The following CALN1 variants were observed in gnomAD, a reference collection of about 807,000 sequenced individuals.
CALN1 encodes calcium-binding protein 8.
CALN1 carries 17 observed loss-of-function variants against 30.6 expected under a neutral mutation model. The ratio of observed to expected loss-of-function variants is 0.56; its 90% CI spans 0.38 to 0.83. The LOEUF is 0.83. CALN1 is among the 40% of genes least tolerant of loss of function. CALN1 has a pLI of 0.00. For missense variants in CALN1, 291 were observed against 354.9 expected (o/e 0.82, Z 1.45); for synonymous variants, 156 against 131.4 (o/e 1.19, Z -1.28).
At chr7:72,049,455 G>A (rs756033808) in intron 4 of CALN1, among the ~76,000 whole-genome samples, 7 of 152,132 alleles carry the variant, frequency 4.6e-5, no homozygotes, top group African/African-American at 9.7e-5. Flanking sequence ...TCACTGTGAT[G>A]AACTATAGGG....
intron 3 of CALN1, among the ~76,000 whole-genome samples, chr7:72,239,115 G>A (rs1366603665): frequency 1.3e-5 from 2 of 152,152 alleles, no homozygotes; most frequent in Admixed American, 1.3e-4. Context: ...ATTCTGTGAT[G>A]GCTGGGAAAA....
rs145283170 is a variant in CALN1 at position 72,357,007 on chromosome 7, C to G, written c.119+46244G>C. The stretch of plus-strand genomic sequence containing the variant: ...AATTCAGGGCAAGAAGTGGAGACTT[C>G]CAGGAAACATGACGGTGTTAACTGG... On this transcript the variant is annotated intron_variant, in intron 2 of 6. Coordinates refer to ENST00000395275, the MANE Select transcript of CALN1 (RefSeq NM_031468.4). Among the ~76,000 whole-genome samples, 80 of 151,968 alleles carry G rather than the reference C, an allele frequency of 5.3e-4. 1 individual carries two copies. Among genetic ancestry groups the G allele is most frequent in the Admixed American group, 1.4e-3 (22 of 15,262 alleles).
chr7:72,026,482 A>T (rs1801063821), intron 4 of CALN1, among the ~76,000 whole-genome samples: 1 of 151,992 alleles, frequency 6.6e-6, no homozygotes, highest in South Asian at 2.1e-4. Context: ...GCGATTCGGG[A>T]GGCTGAGGCA....
At chr7:72,350,669 A>G (rs1802874425) in intron 2 of CALN1, among the ~76,000 whole-genome samples, 1 of 152,192 alleles carries the variant, frequency 6.6e-6, no homozygotes, top group African/African-American at 2.4e-5. Context: ...AAAACTACCT[A>G]CCAGATACTA....
intron 2 of CALN1, among the ~76,000 whole-genome samples, chr7:72,371,057 A>AC (rs1391717308): frequency 6.6e-6 from 1 of 151,822 alleles, no homozygotes; most frequent in Non-Finnish European, 1.5e-5. Context: ...CAAAAAAAAA[A>AC]AAAAAAAAAG....
intron 5 of CALN1, among the ~76,000 whole-genome samples, chr7:72,011,082 G>A (rs1800050511): frequency 1.3e-5 from 2 of 151,730 alleles, no homozygotes; most frequent in Admixed American, 1.3e-4. Flanking sequence ...GAACCCGGGA[G>A]GCAGAGGTTG....
intron 2 of CALN1, among the ~76,000 whole-genome samples, chr7:72,369,873 T>C (rs1334894046): frequency 6.6e-6 from 1 of 152,250 alleles, no homozygotes; most frequent in Non-Finnish European, 1.5e-5. Context: ...AACCTATTGA[T>C]GGACATTTAA....
intron 5 of CALN1, among the ~76,000 whole-genome samples, chr7:71,973,460 G>A (rs12666489): frequency 0.063 from 9,631 of 152,184 alleles, 680 homozygotes; most frequent in East Asian, 0.33. Flanking sequence ...AGAGGCGTGA[G>A]CCACCTTGCC....
chr7:72,336,318 C>T (rs975364124), intron 2 of CALN1, among the ~76,000 whole-genome samples: 8 of 152,166 alleles, frequency 5.3e-5, no homozygotes, highest in African/African-American at 7.2e-5. Context: ...CCCCATCGCC[C>T]GGGCGCCTGC....
chr7:71,956,015 T>A lies in CALN1; in HGVS notation c.501+67642A>T, dbSNP rs570239128. On this transcript the variant is annotated intron_variant, in intron 5 of 6. Coordinates refer to ENST00000395275, the MANE Select transcript of CALN1 (RefSeq NM_031468.4). Reference sequence around the variant, plus strand: ...ATTTTTTTTTTTTTTTGAGATGGAGTCTCACTCTGTCACCCAGGCTGGAGA... The same window carrying A: ...ATTTTTTTTTTTTTTTGAGATGGAGACTCACTCTGTCACCCAGGCTGGAGA... Among the ~76,000 whole-genome samples the A allele has an allele frequency of 2.0e-5, 3 of 148,044 alleles. No homozygotes were observed. The South Asian group carries it at 6.5e-4, about 32-fold the overall frequency.
intron 5 of CALN1, among the ~76,000 whole-genome samples, chr7:71,851,942 T>G (rs576257306): frequency 1.3e-5 from 2 of 152,166 alleles, no homozygotes; most frequent in East Asian, 3.9e-4. Context: ...TGCCCAAGCC[T>G]GGTGCCTGGA....
intron 1 of CALN1, among the ~76,000 whole-genome samples, chr7:72,431,067 T>A (rs1323576464): frequency 6.6e-6 from 1 of 150,508 alleles, no homozygotes; most frequent in Non-Finnish European, 1.5e-5. Flanking sequence ...GTAGCTGGGA[T>A]TACAGGCCTG....
At chr7:72,210,521 A>G (rs1792316041) in intron 3 of CALN1, among the ~76,000 whole-genome samples, 1 of 152,046 alleles carries the variant, frequency 6.6e-6, no homozygotes, top group Non-Finnish European at 1.5e-5. Flanking sequence ...ACGGTTCAGC[A>G]TGGCTGGGGA....
intron 5 of CALN1, among the ~76,000 whole-genome samples, chr7:71,854,830 A>G (rs1239799851): frequency 6.6e-6 from 1 of 152,254 alleles, no homozygotes; most frequent in Non-Finnish European, 1.5e-5. Flanking sequence ...GAAAAACTAT[A>G]TAATGTGAAG....
chr7:72,389,328 TTC>T (rs1401059216), intron 2 of CALN1, among the ~76,000 whole-genome samples: 10 of 152,332 alleles, frequency 6.6e-5, no homozygotes, highest in Non-Finnish European at 1.0e-4. Flanking sequence ...TTTCCTTTAC[TTC>T]TGTTTCATAG....
At chr7:71,990,776 G>A (rs1012562115) in intron 5 of CALN1, among the ~76,000 whole-genome samples, 3 of 152,000 alleles carry the variant, frequency 2.0e-5, no homozygotes, top group Non-Finnish European at 2.9e-5. Context: ...TCTTAATAAC[G>A]TTATTTTACT....
intron 1 of CALN1, among the ~76,000 whole-genome samples, chr7:72,408,343 A>C (rs1010686028): frequency 4.0e-5 from 6 of 151,714 alleles, no homozygotes; most frequent in Admixed American, 2.6e-4. Context: ...CAGGAGGGTA[A>C]GGCATGAAAG....
At chr7:72,122,795 G>A (rs1178066728) in intron 3 of CALN1, among the ~76,000 whole-genome samples, 13 of 152,112 alleles carry the variant, frequency 8.5e-5, no homozygotes, top group Admixed American at 6.5e-4. Flanking sequence ...TTCAACAAAC[G>A]TTTCTTAAGC....
intron 5 of CALN1, among the ~76,000 whole-genome samples, chr7:71,860,701 A>T (rs1172677772): frequency 2.0e-5 from 3 of 152,196 alleles, no homozygotes; most frequent in Non-Finnish European, 4.4e-5. Flanking sequence ...ACACCAGGTC[A>T]ATGTCACATT....
Sources: allele counts gnomAD v4.1 joint callset (sites outside exome capture counted in the v4.1 genomes callset), GRCh38; gene constraint gnomAD v4.1.1; transcripts MANE v1.5; gene names NCBI Gene and HGNC (gene_info 2026-07-23, HGNC 2026-07-21).